The following TDRD5 variants were observed in gnomAD, a reference collection of about 807,000 sequenced individuals.
The protein encoded by TDRD5 is tudor domain-containing protein 5.
TDRD5 carries 41 observed loss-of-function variants against 120.6 expected under a neutral mutation model. That is an observed-to-expected ratio of 0.34 (90% CI 0.26 to 0.44). The LOEUF is 0.44. Among genes scored for constraint, TDRD5 ranks in the 20% least tolerant of loss-of-function variants. The pLI is 1.00. For synonymous variants in TDRD5, 430 were observed against 433.7 expected, an observed-to-expected ratio of 0.99 and a Z score of 0.11; for missense variants, 1,006 against 1,221.2, an observed-to-expected ratio of 0.82 and a Z score of 2.63.
At position 179,610,815 on chromosome 1, in the gene TDRD5, A is replaced by G. The variant is rs567698331; in HGVS notation, c.832-7784A>G. 8.6e-5 allele frequency among the ~76,000 whole-genome samples: 13 copies of G among 151,682 alleles called. No individual in the cohort carries two copies. In the East Asian group the frequency reaches 1.2e-3, roughly 14 times the overall value. On this transcript the variant is annotated intron_variant, in intron 4 of 17. Transcript: ENST00000444136. ...TAGTCTCCTTTCAGACTTTTTTTCT[A>G]TTTTTTTCCTGAAAGTTTAGAATTG... is the stretch of plus-strand genomic sequence containing the variant.
At chr1:179,621,166 A>G in intron 6 of TDRD5, 75 bp downstream of exon 6, 2 of 1,353,580 alleles carry the variant, frequency 1.5e-6, no homozygotes, top group Non-Finnish European at 2.0e-6. Context: ...TTTTGTGGCT[A>G]CTCCTTGGAT....
At chr1:179,600,302 C>T (rs1675638158) in intron 4 of TDRD5, among the ~76,000 whole-genome samples, 1 of 152,112 alleles carries the variant, frequency 6.6e-6, no homozygotes, top group Admixed American at 6.5e-5. Context: ...ACAGATGTGC[C>T]ATTTTATCTT....
At chr1:179,609,790 C>T (rs753705096) in intron 4 of TDRD5, among the ~76,000 whole-genome samples, 6 of 152,148 alleles carry the variant, frequency 3.9e-5, no homozygotes, top group Non-Finnish European at 8.8e-5. Context: ...GTTTGTTTCT[C>T]CAGCCTCAAA....
intron 7 of TDRD5, 61 bp from the exon 8 acceptor site, chr1:179,634,396 T>C: frequency 6.5e-7 from 1 of 1,528,024 alleles, no homozygotes; most frequent in East Asian, 2.2e-5. Context: ...CAAATATGCA[T>C]AGGCTGCTCT....
chr1:179,651,784 G>A (rs980586414), intron 12 of TDRD5, among the ~76,000 whole-genome samples: 1 of 151,802 alleles, frequency 6.6e-6, no homozygotes, highest in African/African-American at 2.4e-5. Flanking sequence ...GTGATGGCAC[G>A]TGCCTGTAGT....
chr1:179,629,503 A>G (rs1490657544), intron 6 of TDRD5, among the ~76,000 whole-genome samples: 1 of 152,216 alleles, frequency 6.6e-6, no homozygotes, highest in Non-Finnish European at 1.5e-5. Context: ...CTCAACAACA[A>G]AAAAGTCTCT....
chr1:179,663,084 A>T (rs996443151), intron 15 of TDRD5, among the ~76,000 whole-genome samples: 1 of 152,220 alleles, frequency 6.6e-6, no homozygotes, highest in African/African-American at 2.4e-5. Flanking sequence ...TGATCATGAA[A>T]AAAATCATCT....
chr1:179,617,827 G>C (rs1398835930), intron 4 of TDRD5, among the ~76,000 whole-genome samples: 1 of 151,942 alleles, frequency 6.6e-6, no homozygotes, highest in African/African-American at 2.4e-5. Context: ...TTATTTTAGT[G>C]GGGCCTCTGT....
rs1261806721 is a variant in TDRD5 at position 179,639,831 on chromosome 1, T to A, written c.1521-8T>A. On this transcript the variant is annotated splice_region_variant and splice_polypyrimidine_tract_variant and intron_variant, in intron 9 of 17. Coordinates refer to ENST00000444136, the MANE Select transcript of TDRD5 (RefSeq NM_001199085.3). ...CTATGGATTTCTCTGTATTATGGAA[T>A]TCCACAGGCGCTGTTATTCTAATCA... The A allele has an allele frequency of 6.2e-7, 1 of 1,613,582 alleles. No individual in the cohort carries two copies. The highest frequency in any genetic ancestry group is 1.1e-5 in the South Asian group (1 of 90,946).
chr1:179,661,330 G>T (rs1403634225), intron 14 of TDRD5, among the ~76,000 whole-genome samples: 1 of 151,106 alleles, frequency 6.6e-6, no homozygotes, highest in African/African-American at 2.4e-5. Context: ...ATATCTTTTG[G>T]TATTGTTCCA....
intron 7 of TDRD5, among the ~76,000 whole-genome samples, chr1:179,634,173 A>C (rs1677624993): frequency 6.6e-6 from 1 of 150,638 alleles, no homozygotes; most frequent in African/African-American, 2.5e-5. Context: ...TTCATCTCAA[A>C]AAACAAAAAA....
rs192416382 is a variant in TDRD5, at chr1:179,678,591, C to T, written c.2860+9187C>T. ...TTAAACATTTATTCTTCTTTAATTT[C>T]TAGCAATGATATTTTGTAGTTTTCA... On this transcript the variant is annotated intron_variant, in intron 17 of 17. Transcript: ENST00000444136. 5.2e-3 allele frequency among the ~76,000 whole-genome samples: 793 copies of T among 152,236 alleles called. 6 individuals are homozygous for T. Among genetic ancestry groups the T allele is most frequent in the Admixed American group, 0.012 (178 of 15,304 alleles).
chr1:179,648,785 C>T (rs1048314464), intron 11 of TDRD5, among the ~76,000 whole-genome samples: 1 of 110,314 alleles, frequency 9.1e-6, no homozygotes, highest in African/African-American at 2.5e-5. Context: ...TACTAAAAAA[C>T]AATAAAAAAA....
chr1:179,626,152 A>G (rs1186879422), intron 6 of TDRD5, among the ~76,000 whole-genome samples: 4 of 152,142 alleles, frequency 2.6e-5, no homozygotes, highest in Non-Finnish European at 4.4e-5. Context: ...AGCATGGCAC[A>G]TGTATACATA....
intron 9 of TDRD5, 106 bp downstream of exon 9, chr1:179,635,993 T>G: frequency 1.3e-6 from 1 of 779,860 alleles, no homozygotes; most frequent in African/African-American, 2.7e-5. Context: ...CAAGAGAGCT[T>G]TTTTTTATCA....
intron 4 of TDRD5, among the ~76,000 whole-genome samples, chr1:179,608,363 C>T (rs931431531): frequency 1.3e-5 from 2 of 151,918 alleles, no homozygotes; most frequent in Non-Finnish European, 2.9e-5. Context: ...ATTTTGTCTT[C>T]AAATATTTTT....
At chr1:179,626,208 T>C (rs979905067) in intron 6 of TDRD5, among the ~76,000 whole-genome samples, 1 of 148,526 alleles carries the variant, frequency 6.7e-6, no homozygotes, top group African/African-American at 2.4e-5. Context: ...AAACTTAAAG[T>C]ATAATAATAA....
At chr1:179,690,055 A>G (rs927997499) in intron 17 of TDRD5, among the ~76,000 whole-genome samples, 1 of 152,008 alleles carries the variant, frequency 6.6e-6, no homozygotes, top group African/African-American at 2.4e-5. Context: ...GGCTGCCCCC[A>G]CTGTCCTGCA....
intron 17 of TDRD5, among the ~76,000 whole-genome samples, chr1:179,675,047 C>T (rs758953211): frequency 6.6e-6 from 1 of 151,864 alleles, no homozygotes; most frequent in Non-Finnish European, 1.5e-5. Context: ...TAGTTCTCCT[C>T]TGATCCTGGT....
Sources: allele counts gnomAD v4.1 joint callset (sites outside exome capture counted in the v4.1 genomes callset), GRCh38; gene constraint gnomAD v4.1.1; transcripts MANE v1.5; gene names NCBI Gene and HGNC (gene_info 2026-07-23, HGNC 2026-07-21).